The following GSE1 variants were observed in gnomAD, a reference collection of about 807,000 sequenced individuals.
GSE1 encodes the protein Gse1 coiled-coil protein.
A neutral mutation model predicts 112.6 loss-of-function variants in GSE1; 32 were observed. The observed-to-expected ratio is 0.28, with a 90% CI of 0.21 to 0.38. The LOEUF (loss-of-function observed/expected upper bound fraction) is 0.38, where lower values mean the gene tolerates loss of function less well. GSE1 is among the 10% of genes least tolerant of loss of function. GSE1 has a pLI of 1.00. For missense variants in GSE1, 2,348 were observed against 1,699.2 expected (o/e 1.38, Z -6.71); for synonymous variants, 1,115 against 735.6 (o/e 1.52, Z -8.35).
chr16:85,500,745 G>T (rs980800851), intron 2 of GSE1, among the ~76,000 whole-genome samples: 3 of 152,196 alleles, frequency 2.0e-5, no homozygotes, highest in Non-Finnish European at 2.9e-5. Flanking sequence ...TGGAGAGGGG[G>T]CTTGAAACAA....
chr16:85,395,445 C>G (rs1276435083), intron 2 of GSE1, among the ~76,000 whole-genome samples: 1 of 152,186 alleles, frequency 6.6e-6, no homozygotes, highest in Non-Finnish European at 1.5e-5. Context: ...TGGGTCCAGG[C>G]TGCCAAGGGT....
chr16:85,298,669 C>T (rs2045433368), intron 1 of GSE1, among the ~76,000 whole-genome samples: 1 of 152,208 alleles, frequency 6.6e-6, no homozygotes, highest in African/African-American at 2.4e-5. Flanking sequence ...TCAAGTGATC[C>T]ACCTGCCTTG....
At chr16:85,210,286 A>G (rs1168717332) in intron 1 of GSE1, among the ~76,000 whole-genome samples, 1 of 152,194 alleles carries the variant, frequency 6.6e-6, no homozygotes, top group Non-Finnish European at 1.5e-5. Context: ...TTGCACTGTT[A>G]TTTACCAGGT....
intron 2 of GSE1, among the ~76,000 whole-genome samples, chr16:85,385,506 G>T (rs900762): frequency 0.071 from 10,824 of 152,180 alleles, 1,185 homozygotes; most frequent in African/African-American, 0.23. Flanking sequence ...CTTCTCGGGG[G>T]CCCTGGGGAG....
At chr16:85,400,356 A>G (rs1244253860) in intron 2 of GSE1, among the ~76,000 whole-genome samples, 6 of 145,888 alleles carry the variant, frequency 4.1e-5, no homozygotes, top group Non-Finnish European at 9.1e-5. Flanking sequence ...GTTTCTGTGT[A>G]CTGTGTGTGC....
At position 85,671,106 on chromosome 16, in the gene GSE1, G is replaced by A. The variant is rs749040834; in HGVS notation, c.3519+8G>A. ...CTCTCCCACAGCGTGGCGGTGAGTTGGGAAGGGATGGAAACCTTCAAACAC... is the reference window on the plus strand; with the variant it reads ...CTCTCCCACAGCGTGGCGGTGAGTTAGGAAGGGATGGAAACCTTCAAACAC... On this transcript the variant is annotated splice_region_variant and intron_variant, in intron 15 of 15. Coordinates refer to ENST00000253458, the MANE Select transcript of GSE1 (RefSeq NM_014615.5). 5.9e-6 allele frequency: 9 copies of A among 1,523,398 alleles called. No homozygotes were observed. The South Asian group carries it at 9.0e-5, about 15-fold the overall frequency. 94.4% of individuals were successfully genotyped at this position (1,523,398 alleles called of 1,614,324 possible). A position where few individuals can be genotyped will look rare whatever the true frequency, so the allele number is the denominator to read the frequency against.
chr16:85,250,448 G>T (rs1906345583), intron 1 of GSE1, among the ~76,000 whole-genome samples: 1 of 152,112 alleles, frequency 6.6e-6, no homozygotes, highest in Non-Finnish European at 1.5e-5. Context: ...AGCCCAGCTG[G>T]GGGCGGAGGC....
intron 1 of GSE1, among the ~76,000 whole-genome samples, chr16:85,356,253 G>A (rs1176787649): frequency 6.6e-6 from 1 of 152,326 alleles, no homozygotes; most frequent in East Asian, 1.9e-4. Context: ...CTCGCCTCGG[G>A]ACCAGTGAGC....
rs752749082 is a variant in GSE1 at position 85,663,628 on chromosome 16, T to G, written c.2644+14T>G. ...AGAAGAGGAAAGGTAGGGCCTCGCC[T>G]GGGTAGGAAGGTGGGGGCTCACTGG... is the stretch of plus-strand genomic sequence containing the variant. On this transcript the variant is annotated intron_variant, in intron 11 of 15. Coordinates refer to ENST00000253458, the MANE Select transcript of GSE1 (RefSeq NM_014615.5). 1.9e-6 allele frequency: 3 copies of G among 1,601,332 alleles called. No homozygotes were observed. Among genetic ancestry groups the G allele is most frequent in the Non-Finnish European group, 1.7e-6 (2 of 1,172,746 alleles).
chr16:85,643,472 C>G (rs1256079077), intron 2 of GSE1, among the ~76,000 whole-genome samples: 1 of 151,604 alleles, frequency 6.6e-6, no homozygotes, highest in African/African-American at 2.4e-5. Flanking sequence ...CCACCCTTCA[C>G]CCACCCCTCT....
chr16:85,609,912 C>T (rs2047891260), upstream of GSE1, among the ~76,000 whole-genome samples: 1 of 152,110 alleles, frequency 6.6e-6, no homozygotes. Context: ...CTATCTTGGC[C>T]CCCCCAAAGT....
chr16:85,573,135 A>G (rs1158456670), intron 1 of GSE1, among the ~76,000 whole-genome samples: 13 of 152,264 alleles, frequency 8.5e-5, no homozygotes. Context: ...AAGTGCTGGG[A>G]TTACAGGCTT....
At chr16:85,424,763 C>T (rs1261415861) in intron 2 of GSE1, among the ~76,000 whole-genome samples, 1 of 152,246 alleles carries the variant, frequency 6.6e-6, no homozygotes, top group Non-Finnish European at 1.5e-5. Context: ...ATGCTCTGCG[C>T]CATGGCACCC....
chr16:85,313,228 G>A (rs996449288), intron 1 of GSE1, among the ~76,000 whole-genome samples: 7 of 152,284 alleles, frequency 4.6e-5, no homozygotes, highest in South Asian at 4.1e-4. Context: ...CAGCACCTGC[G>A]TGGGGTCAGG....
chr16:85,450,810 C>T (rs2049657527), intron 2 of GSE1, among the ~76,000 whole-genome samples: 1 of 151,838 alleles, frequency 6.6e-6, no homozygotes, highest in Non-Finnish European at 1.5e-5. Context: ...TCTGTGATCC[C>T]AGCACTTTGG....
chr16:85,620,916 G>A (rs1429229400), intron 1 of GSE1, among the ~76,000 whole-genome samples: 1 of 152,060 alleles, frequency 6.6e-6, no homozygotes, highest in Non-Finnish European at 1.5e-5. Flanking sequence ...GCTCTGTTGG[G>A]GAAGCCGTGT....
At chr16:85,478,941 C>A in intron 2 of GSE1, among the ~76,000 whole-genome samples, 1 of 104,294 alleles carries the variant, frequency 9.6e-6, no homozygotes, top group East Asian at 2.5e-4. Context: ...TTCTTTCTTT[C>A]TTTCTTTTTT....
intron 1 of GSE1, among the ~76,000 whole-genome samples, chr16:85,233,094 C>T (rs1904305868): frequency 6.6e-6 from 1 of 152,260 alleles, no homozygotes; most frequent in African/African-American, 2.4e-5. Context: ...ACAGGCCCCC[C>T]AGCTGGGCCT....
At chr16:85,618,848 G>GA (rs2048543490) in intron 1 of GSE1, among the ~76,000 whole-genome samples, 1 of 152,244 alleles carries the variant, frequency 6.6e-6, no homozygotes, top group South Asian at 2.1e-4. Flanking sequence ...TTTTTGTGGA[G>GA]ACAGGGTCTC....
Sources: allele counts gnomAD v4.1 joint callset (sites outside exome capture counted in the v4.1 genomes callset), GRCh38; gene constraint gnomAD v4.1.1; transcripts MANE v1.5; gene names NCBI Gene and HGNC (gene_info 2026-07-23, HGNC 2026-07-21).